Variants in RPH3A observed in about 807,000 individuals in gnomAD.
RPH3A encodes rabphilin 3A.
A neutral mutation model predicts 102.2 loss-of-function variants in RPH3A; 48 were observed. That is an observed-to-expected ratio of 0.47 (90% CI 0.37 to 0.60). The LOEUF (loss-of-function observed/expected upper bound fraction) is 0.60, where lower values mean the gene tolerates loss of function less well. Among genes scored for constraint, RPH3A ranks in the 20% least tolerant of loss-of-function variants. The pLI, the probability that RPH3A is intolerant of heterozygous loss-of-function variation, is 0.00. For synonymous variants in RPH3A, 310 were observed against 324.3 expected, an observed-to-expected ratio of 0.96 and a Z score of 0.47; for missense variants, 781 against 910.1, an observed-to-expected ratio of 0.86 and a Z score of 1.83.
At chr12:112,874,857 C>A in intron 10 of RPH3A, 1 of 516,168 alleles carries the variant, frequency 1.9e-6, no homozygotes, top group East Asian at 3.3e-5. Flanking sequence ...GATTGTAGAA[C>A]CTGTGCTTTT....
At chr12:112,751,680 G>A (rs1174769280) in intron 1 of RPH3A, among the ~76,000 whole-genome samples, 1 of 152,166 alleles carries the variant, frequency 6.6e-6, no homozygotes, top group Admixed American at 6.5e-5. Context: ...ACTTTGGGAG[G>A]CTGATGCAGG....
intron 14 of RPH3A, 56 bp from the exon 15 acceptor site, chr12:112,881,716 C>A: frequency 7.6e-7 from 1 of 1,323,412 alleles, no homozygotes; most frequent in Non-Finnish European, 1.1e-6. Context: ...TTGCCGATGA[C>A]AGCTGAGCAC....
chr12:112,674,232 A>AT (rs1249211688), intron 1 of RPH3A, among the ~76,000 whole-genome samples: 1 of 152,010 alleles, frequency 6.6e-6, no homozygotes, highest in Non-Finnish European at 1.5e-5. Flanking sequence ...TAATTTTTCA[A>AT]TTTTTTGTAG....
intron 6 of RPH3A, 115 bp from the exon 7 acceptor site, chr12:112,866,642 G>T: frequency 1.3e-6 from 1 of 789,886 alleles, no homozygotes; most frequent in South Asian, 1.6e-5. Flanking sequence ...GGAAGTGGGA[G>T]AAATGGAAGC....
At chr12:112,581,644 C>A (rs1433236833) in intron 1 of RPH3A, among the ~76,000 whole-genome samples, 1 of 152,010 alleles carries the variant, frequency 6.6e-6, no homozygotes, top group Non-Finnish European at 1.5e-5. Flanking sequence ...AAGTGATCCA[C>A]CTGCCTTGGC....
At chr12:112,643,428 T>G (rs142375332) in intron 1 of RPH3A, among the ~76,000 whole-genome samples, 5 of 152,336 alleles carry the variant, frequency 3.3e-5, no homozygotes, top group African/African-American at 4.8e-5. Flanking sequence ...TAAGCATGTG[T>G]GTGTTCGTGT....
At chr12:112,805,664 G>C (rs2041445833) in intron 2 of RPH3A, among the ~76,000 whole-genome samples, 5 of 152,182 alleles carry the variant, frequency 3.3e-5, no homozygotes, top group African/African-American at 1.2e-4. Context: ...CTAAGACAGA[G>C]TTTGCTCGTT....
chr12:112,647,962 C>T, intron 1 of RPH3A, among the ~76,000 whole-genome samples: 1 of 152,174 alleles, frequency 6.6e-6, no homozygotes, highest in East Asian at 1.9e-4. Context: ...GAATATAAGA[C>T]TCATTTTGAG....
At chr12:112,721,022 T>G (rs1281796385) in intron 1 of RPH3A, among the ~76,000 whole-genome samples, 1 of 152,224 alleles carries the variant, frequency 6.6e-6, no homozygotes, top group Non-Finnish European at 1.5e-5. Flanking sequence ...ACTTAGCCTC[T>G]TTAAACTTTG....
intron 4 of RPH3A, among the ~76,000 whole-genome samples, 170 bp from the exon 5 acceptor site, chr12:112,847,526 C>T (rs1029483): frequency 0.3 from 45,284 of 152,168 alleles, 7,751 homozygotes; most frequent in East Asian, 0.49. Context: ...AAAATAAACT[C>T]ATTAGAAGCC....
At chr12:112,660,887 A>G (rs1308616437) in intron 1 of RPH3A, among the ~76,000 whole-genome samples, 1 of 152,086 alleles carries the variant, frequency 6.6e-6, no homozygotes, top group Non-Finnish European at 1.5e-5. Flanking sequence ...TGGTGAATAG[A>G]TTCTCATGGG....
chr12:112,742,827 T>A (rs2040719109), intron 1 of RPH3A, among the ~76,000 whole-genome samples: 1 of 152,208 alleles, frequency 6.6e-6, no homozygotes. Context: ...TATCATCTTA[T>A]GACTGTGAAG....
intron 1 of RPH3A, among the ~76,000 whole-genome samples, chr12:112,664,746 C>G (rs568577820): frequency 1.3e-5 from 2 of 152,202 alleles, no homozygotes; most frequent in South Asian, 2.1e-4. Flanking sequence ...TGTGTCACAT[C>G]CCCTCTGCGC....
rs1247626787 is a variant in RPH3A, at chr12:112,791,803, CAATTGATTCGTCT to C, written c.-347_-335del. ...GCGGCAGAAACTGGCTCTGGGGAAG[CAATTGATTCGTCT>C]ACTGCCAGCAGCCCGGAGTTGCCTA... On this transcript the variant is annotated 5_prime_UTR_variant, in exon 1 of 22. Transcript: ENST00000389385. 1 of 145,512 alleles carries C rather than the reference CAATTGATTCGTCT, an allele frequency of 6.9e-6. No homozygotes were observed. Among genetic ancestry groups the C allele is most frequent in the Non-Finnish European group, 1.5e-5 (1 of 67,234 alleles). The allele number at this position is 145,512 out of a possible 1,614,324, so 9.0% of individuals were successfully genotyped here.
At chr12:112,603,719 G>A (rs1347927883) in intron 1 of RPH3A, among the ~76,000 whole-genome samples, 2 of 152,238 alleles carry the variant, frequency 1.3e-5, no homozygotes, top group East Asian at 3.9e-4. Context: ...TTATGAATCT[G>A]TTCTCTTAAC....
chr12:112,864,865 G>A (rs1312647469), intron 5 of RPH3A, among the ~76,000 whole-genome samples: 1 of 152,122 alleles, frequency 6.6e-6, no homozygotes, highest in Non-Finnish European at 1.5e-5. Context: ...AAAGAATTCG[G>A]TTGGGTCATT....
intron 1 of RPH3A, among the ~76,000 whole-genome samples, chr12:112,742,306 C>A (rs2040714711): frequency 6.6e-6 from 1 of 151,910 alleles, no homozygotes; most frequent in African/African-American, 2.4e-5. Context: ...GTAGACTCTT[C>A]CGGGAAATTG....
intron 1 of RPH3A, among the ~76,000 whole-genome samples, chr12:112,750,384 G>C (rs2040778635): frequency 6.6e-6 from 1 of 152,158 alleles, no homozygotes; most frequent in South Asian, 2.1e-4. Flanking sequence ...CACCAACCCA[G>C]TTACTACTGA....
At chr12:112,585,628 G>A (rs2039433443) in intron 1 of RPH3A, among the ~76,000 whole-genome samples, 1 of 152,148 alleles carries the variant, frequency 6.6e-6, no homozygotes, top group Admixed American at 6.5e-5. Flanking sequence ...CCAGCTACTT[G>A]GGAGGTTGAG....
Sources: allele counts gnomAD v4.1 joint callset (sites outside exome capture counted in the v4.1 genomes callset), GRCh38; gene constraint gnomAD v4.1.1; transcripts MANE v1.5; gene names NCBI Gene and HGNC (gene_info 2026-07-23, HGNC 2026-07-21).